The following ITIH2 variants were observed in gnomAD, a reference collection of about 807,000 sequenced individuals.
The protein encoded by ITIH2 is inter-alpha-trypsin inhibitor heavy chain H2.
ITIH2 carries 103 observed loss-of-function variants against 104.4 expected under a neutral mutation model. The observed-to-expected ratio is 0.99, with a 90% CI of 0.84 to 1.16. ITIH2 has a LOEUF of 1.16. Among genes scored for constraint, ITIH2 ranks in the 50% most tolerant of loss-of-function variants. The pLI is 0.00. For missense variants in ITIH2, 1,108 were observed against 1,162.4 expected (o/e 0.95, Z 0.68); for synonymous variants, 436 against 435.4 (o/e 1.00, Z -0.02).
At chr10:7,717,507 T>C (rs1834860958) in intron 5 of ITIH2, 119 bp from the exon 6 acceptor site, 2 of 851,948 alleles carry the variant, frequency 2.3e-6, no homozygotes, top group African/African-American at 1.7e-5. Context: ...CTGTTCACTT[T>C]CATGAACTAC....
intron 18 of ITIH2, 147 bp from the exon 19 acceptor site, chr10:7,744,644 T>G: frequency 3.0e-6 from 2 of 677,820 alleles, no homozygotes; most frequent in Non-Finnish European, 4.9e-6. Context: ...TGTTAATCCA[T>G]CATTTATCTA....
chr10:7,744,144 T>C lies in ITIH2; in HGVS notation c.2272T>C (p.Tyr758His). The C allele has an allele frequency of 6.2e-7, 1 of 1,614,144 alleles. No individual in the cohort carries two copies. Among genetic ancestry groups the C allele is most frequent in the Non-Finnish European group, 8.5e-7 (1 of 1,179,992 alleles). The change falls in exon 18 of 21, where the codon TAT becomes CAT. Residue 758 changes from tyrosine to histidine, a missense_variant. Coordinates refer to ENST00000358415, the MANE Select transcript of ITIH2 (RefSeq NM_002216.3). ...GCCCAACAATGGAAAACTAAGCACC[T>C]ATTTTGGAAAACTGGGATTTTATTT... The part of the protein sequence containing the change: ...KKPNNGKLST[Y>H]FGKLGFYFQS...
Position 7,735,053 on chromosome 10 carries a change from T to G in ITIH2, c.1919T>G (p.Leu640Arg), listed in dbSNP as rs1437901787. 3 of 1,612,246 alleles carry G rather than the reference T, an allele frequency of 1.9e-6. No individual in the cohort carries two copies. The highest frequency in any genetic ancestry group is 2.5e-6 in the Non-Finnish European group (3 of 1,180,008). Residue 640 changes from leucine to arginine, a missense_variant, in exon 15 of 21, where the codon CTG (leucine) becomes CGG (arginine). By Grantham distance (102) the Leu-to-Arg change is moderately radical. Transcript: ENST00000358415. Reference sequence around the variant, plus strand: ...AACGAGGCTGGGGATGAGCGCATGCTGGCGGATGCCCCACCGCAGGATCCC... The same window carrying G: ...AACGAGGCTGGGGATGAGCGCATGCGGGCGGATGCCCCACCGCAGGATCCC... ...IENEAGDERMLADAPPQDPSC... is the reference protein window; with the variant it reads ...IENEAGDERMRADAPPQDPSC...
intron 20 of ITIH2, among the ~76,000 whole-genome samples, chr10:7,747,823 C>A (rs1835194077): frequency 6.6e-6 from 1 of 152,168 alleles, no homozygotes; most frequent in East Asian, 1.9e-4. Flanking sequence ...CCGTTGAACC[C>A]AGGAGTTCGA....
intron 8 of ITIH2, among the ~76,000 whole-genome samples, chr10:7,723,176 GGAGTGGCATGGTGTGGAGAGGAGTC>G (rs1834922485): frequency 6.6e-6 from 1 of 151,940 alleles, no homozygotes; most frequent in South Asian, 2.1e-4. Flanking sequence ...GACGTGGAGT[GGAGTGGCATGGTGTGGAGAGGAGTC>G]AAGTGGAGTG....
At chr10:7,717,306 G>C (rs1163514593) in intron 5 of ITIH2, among the ~76,000 whole-genome samples, 2 of 152,104 alleles carry the variant, frequency 1.3e-5, no homozygotes, top group Admixed American at 1.3e-4. Flanking sequence ...CCATATTGCA[G>C]AGCAGCTATA....
In ITIH2 at chr10:7,717,629, C is replaced by T. The variant is rs1834862567; in HGVS notation, c.471C>T (p.Ser157=). The change falls in exon 6 of 21, where the codon AGC becomes AGT. Residue 157 remains serine (S), a synonymous_variant. Coordinates refer to ENST00000358415, the MANE Select transcript of ITIH2 (RefSeq NM_002216.3). ...TGTTGGGGGCTTTCACCTTTAGGAG[C>T]AGCGCTCTTGATATGGAAAACTTCA... ...AKGKTAGLVR[S]SALDMENFRT... The T allele has an allele frequency of 1.2e-6, 2 of 1,612,876 alleles. No homozygotes were observed. The highest frequency in any genetic ancestry group is 4.5e-5 in the East Asian group (2 of 44,838).
chr10:7,732,220 G>A, intron 13 of ITIH2, 118 bp from the exon 14 acceptor site: 1 of 1,218,168 alleles, frequency 8.2e-7, no homozygotes, highest in South Asian at 1.4e-5. Context: ...TTCCTCCGTA[G>A]GCTTTGCCTT....
At position 7,729,957 on chromosome 10, in the gene ITIH2, C is replaced by T. The variant is rs1302525506; in HGVS notation, c.1285C>T (p.Leu429=). ...VSDGDPTVGE[L]KLSKIQKNVK... is the part of the protein sequence containing the mutation. Reference sequence around the variant, plus strand: ...TCGGACATCACCAACTTTAGGCGAACTAAAACTGTCAAAAATTCAGAAAAA... The same window carrying T: ...TCGGACATCACCAACTTTAGGCGAATTAAAACTGTCAAAAATTCAGAAAAA... The change falls in exon 12 of 21, where the codon CTA becomes TTA. Residue 429 remains leucine, a synonymous_variant. Transcript: ENST00000358415. 3 of 1,597,960 alleles carry T rather than the reference C, an allele frequency of 1.9e-6. No individual in the cohort carries two copies. The highest frequency in any genetic ancestry group is 3.5e-5 in the Admixed American group (2 of 56,870).
chr10:7,714,155 C>T (rs1381834543), intron 5 of ITIH2, among the ~76,000 whole-genome samples: 2 of 149,066 alleles, frequency 1.3e-5, no homozygotes, highest in East Asian at 3.9e-4. Context: ...CCTTGCACTG[C>T]ACACTCACTA....
chr10:7,712,986 G>A (rs903700711), intron 4 of ITIH2, among the ~76,000 whole-genome samples, 195 bp from the exon 5 acceptor site: 1 of 152,146 alleles, frequency 6.6e-6, no homozygotes, highest in Non-Finnish European at 1.5e-5. Flanking sequence ...CTGGCCTGGT[G>A]GCAGACGCCT....
chr10:7,713,172 A>G lies in ITIH2; in HGVS notation c.363-9A>G. The G allele has an allele frequency of 1.2e-6, 2 of 1,607,784 alleles. No individual in the cohort carries two copies. Among genetic ancestry groups the G allele is most frequent in the Non-Finnish European group, 1.7e-6 (2 of 1,175,388 alleles). ...TCTGACCAACTGGTTACCTTCTGTC[A>G]TTTTCTAGGACTGTGGACGGCAAGA... On this transcript the variant is annotated splice_polypyrimidine_tract_variant and intron_variant, in intron 4 of 20. Coordinates refer to ENST00000358415, the MANE Select transcript of ITIH2 (RefSeq NM_002216.3).
intron 16 of ITIH2, among the ~76,000 whole-genome samples, chr10:7,742,517 G>C (rs569268472): frequency 4.6e-5 from 7 of 152,194 alleles, no homozygotes; most frequent in African/African-American, 1.7e-4. Flanking sequence ...GAGATGGGTG[G>C]ATCACTTGAG....
At chr10:7,723,597 G>T (rs752885017) in intron 9 of ITIH2, 30 bp downstream of exon 9, 1 of 1,322,106 alleles carries the variant, frequency 7.6e-7, no homozygotes, top group Non-Finnish European at 1.1e-6. Context: ...CAGTGGTTGG[G>T]GGGATTCCCT....
At chr10:7,708,946 C>A in intron 3 of ITIH2, 76 bp from the exon 4 acceptor site, 1 of 1,228,200 alleles carries the variant, frequency 8.1e-7, no homozygotes. Context: ...GTGTTGTTAA[C>A]ATCAAATGCA....
rs776059308 is a variant in ITIH2, at chr10:7,744,269, C to T, written c.2397C>T (p.Val799=). 1.2e-6 allele frequency: 2 copies of T among 1,613,772 alleles called. No homozygotes were observed. Among genetic ancestry groups the T allele is most frequent in the East Asian group, 2.2e-5 (1 of 44,876 alleles). ...FSLSWSDTAQ[V]TNQRVQISVK... ...TGTCCTGGTCCGACACGGCTCAAGT[C>T]ACGAATCAGAGGCAAGTATGATTCC... The change falls in exon 18 of 21, where the codon GTC becomes GTT. Residue 799 remains valine (V), a synonymous_variant. Transcript: ENST00000358415.
intron 7 of ITIH2, among the ~76,000 whole-genome samples, chr10:7,721,333 A>G (rs1287851206): frequency 6.6e-6 from 1 of 152,222 alleles, no homozygotes; most frequent in Non-Finnish European, 1.5e-5. Context: ...TCCTGTAAGG[A>G]GAAACTCCTC....
intron 20 of ITIH2, 34 bp downstream of exon 20, chr10:7,746,738 G>A: frequency 7.3e-7 from 1 of 1,374,138 alleles, no homozygotes; most frequent in Non-Finnish European, 1.0e-6. Context: ...TGACGAAAAG[G>A]CCTTGTGTTA....
At chr10:7,731,160 C>T (rs927593195) in intron 12 of ITIH2, among the ~76,000 whole-genome samples, 2 of 152,036 alleles carry the variant, frequency 1.3e-5, no homozygotes, top group African/African-American at 2.4e-5. Flanking sequence ...TCAGGTGATC[C>T]GCCTGCCTTG....
Sources: gnomAD v4.1 joint callset for allele counts (sites outside exome capture counted in the v4.1 genomes callset) on GRCh38, gnomAD v4.1.1 for gene constraint, MANE v1.5 for transcripts, NCBI Gene and HGNC (gene_info 2026-07-23, HGNC 2026-07-21) for gene names.